Variants in PPP2R2B observed in about 807,000 individuals in gnomAD.
PPP2R2B encodes serine/threonine-protein phosphatase 2A 55 kDa regulatory subunit B beta isoform.
PPP2R2B carries 5 observed loss-of-function variants against 46.0 expected under a neutral mutation model. That is an observed-to-expected ratio of 0.11 (90% confidence interval 0.06 to 0.23). The LOEUF (loss-of-function observed/expected upper bound fraction) is 0.23. Ranked by LOEUF, PPP2R2B falls within the 10% of genes least tolerant of loss-of-function variation. The pLI, the probability that PPP2R2B is intolerant of heterozygous loss-of-function variation, is 1.00. For missense variants in PPP2R2B, 367 were observed against 575.0 expected (o/e 0.64, Z 3.70); for synonymous variants, 215 against 206.7 (o/e 1.04, Z -0.34).
chr5:146,842,439 A>AG (rs1759709738), intron 2 of PPP2R2B, among the ~76,000 whole-genome samples: 1 of 151,594 alleles, frequency 6.6e-6, no homozygotes, highest in Admixed American at 6.6e-5. Flanking sequence ...TTCAAGAAAA[A>AG]GGAAAAAAAA....
At chr5:146,880,256 A>T (rs1194190281), upstream of PPP2R2B, among the ~76,000 whole-genome samples, 1 of 149,452 alleles carries the variant, frequency 6.7e-6, no homozygotes, top group East Asian at 2.0e-4. Flanking sequence ...CTTTCAATAG[A>T]TTCTATTTTA....
chr5:146,700,913 T>A lies in PPP2R2B; in HGVS notation c.168+132A>T. 3.9e-6 allele frequency: 3 copies of A among 775,906 alleles called. No individual in the cohort carries two copies. The South Asian group carries it at 4.9e-5, about 13-fold the overall frequency. 48.1% of individuals were successfully genotyped at this position (775,906 alleles called of 1,614,324 possible). ...CTGAATGTATAACAGTTGATGTTAA[T>A]GACTTTTTTGGCAGTTTTTAGTTTT... On this transcript the variant is annotated intron_variant, in intron 3 of 9. Transcript: ENST00000394411.
chr5:146,966,662 T>C (rs1331950382), intron 1 of PPP2R2B, among the ~76,000 whole-genome samples: 2 of 152,216 alleles, frequency 1.3e-5, no homozygotes, highest in Non-Finnish European at 2.9e-5. Context: ...TGTGGGGCCA[T>C]GTGAGCCTTA....
At chr5:146,674,648 AG>A (rs1322083527) in intron 5 of PPP2R2B, among the ~76,000 whole-genome samples, 14 of 152,292 alleles carry the variant, frequency 9.2e-5, no homozygotes, top group Non-Finnish European at 1.3e-4. Flanking sequence ...AAATACACCA[AG>A]GTGGAATAAA....
intron 1 of PPP2R2B, among the ~76,000 whole-genome samples, chr5:146,907,218 T>TC (rs397700854): frequency 8.6e-5 from 13 of 151,878 alleles, no homozygotes; most frequent in Admixed American, 6.6e-4. Context: ...CATTTTTTTT[T>TC]CCATCAGCAG....
At chr5:146,717,928 T>A (rs1029078430) in intron 2 of PPP2R2B, among the ~76,000 whole-genome samples, 5 of 152,204 alleles carry the variant, frequency 3.3e-5, no homozygotes, top group Non-Finnish European at 7.3e-5. Context: ...GAGAGTGGAC[T>A]TTTCTGACAA....
chr5:146,605,038 A>T (rs322469), intron 7 of PPP2R2B, among the ~76,000 whole-genome samples: 1 of 152,204 alleles, frequency 6.6e-6, no homozygotes, highest in African/African-American at 2.4e-5. Context: ...GGCTGGGCAC[A>T]AGTCCAGGCT....
At chr5:146,821,723 T>C (rs1354727892) in intron 2 of PPP2R2B, among the ~76,000 whole-genome samples, 1 of 151,218 alleles carries the variant, frequency 6.6e-6, no homozygotes, top group East Asian at 1.9e-4. Context: ...TAAGACTCAA[T>C]AAAATGGCAA....
At chr5:146,850,135 G>T (rs895614154) in intron 2 of PPP2R2B, among the ~76,000 whole-genome samples, 1 of 152,186 alleles carries the variant, frequency 6.6e-6, no homozygotes, top group Non-Finnish European at 1.5e-5. Flanking sequence ...AGAGGAATTT[G>T]AAGAGGTCTA....
intron 1 of PPP2R2B, among the ~76,000 whole-genome samples, chr5:147,009,747 T>C (rs977353725): frequency 7.2e-5 from 11 of 152,090 alleles, no homozygotes; most frequent in Non-Finnish European, 8.8e-5. Flanking sequence ...ATATTTGGCA[T>C]ACATAGACAT....
At chr5:147,001,951 A>G (rs375963529) in intron 1 of PPP2R2B, among the ~76,000 whole-genome samples, 1 of 152,116 alleles carries the variant, frequency 6.6e-6, no homozygotes, top group African/African-American at 2.4e-5. Context: ...GGTCCTGACA[A>G]CAAGTTGGTT....
chr5:146,646,603 A>G (rs566164332), intron 6 of PPP2R2B, among the ~76,000 whole-genome samples: 1 of 152,280 alleles, frequency 6.6e-6, no homozygotes, highest in East Asian at 1.9e-4. Context: ...AAGGCCCTAG[A>G]CCTCAGAGTT....
chr5:146,933,713 G>A (rs1011170461), intron 1 of PPP2R2B, among the ~76,000 whole-genome samples: 1 of 149,670 alleles, frequency 6.7e-6, no homozygotes, highest in African/African-American at 2.5e-5. Flanking sequence ...TTAAGTTTTA[G>A]GGTACATGTG....
chr5:146,990,927 CT>C (rs2151861640), intron 1 of PPP2R2B, among the ~76,000 whole-genome samples: 1 of 152,046 alleles, frequency 6.6e-6, no homozygotes, highest in South Asian at 2.1e-4. Context: ...ATAGACATTT[CT>C]CAAAAGAAGG....
intron 3 of PPP2R2B, among the ~76,000 whole-genome samples, chr5:146,699,666 T>C (rs1177152759): frequency 6.6e-6 from 1 of 150,564 alleles, no homozygotes; most frequent in Non-Finnish European, 1.5e-5. Context: ...AATTGGTTTT[T>C]TTTTTTTTTT....
Position 147,031,191 on chromosome 5 carries a change from C to A in PPP2R2B, c.79+24474G>T, listed in dbSNP as rs529241451. Among the ~76,000 whole-genome samples the A allele has an allele frequency of 2.6e-3, 399 of 151,932 alleles. 2 individuals are homozygous for A. Among genetic ancestry groups the A allele is most frequent in the African/African-American group, 8.8e-3 (364 of 41,448 alleles). ...GGCGGAGCTTGCAGTGAGCTGAGAT[C>A]ACGCCATGGCACTCCAGCCTGGGCA... On this transcript the variant is annotated intron_variant, in intron 1 of 8. Coordinates refer to the PPP2R2B transcript ENST00000336640.
chr5:146,977,458 T>C (rs1752971133), intron 1 of PPP2R2B, among the ~76,000 whole-genome samples: 1 of 152,032 alleles, frequency 6.6e-6, no homozygotes, highest in Admixed American at 6.6e-5. Context: ...CACGTGCCAT[T>C]GTGGTTTGTT....
At chr5:147,074,926 G>A (rs1159660640) in intron 2 of PPP2R2B, among the ~76,000 whole-genome samples, 1 of 152,122 alleles carries the variant, frequency 6.6e-6, no homozygotes, top group Non-Finnish European at 1.5e-5. Context: ...CAGAATAAAT[G>A]CCACAATTAT....
chr5:146,804,345 A>G (rs980409237), intron 2 of PPP2R2B, among the ~76,000 whole-genome samples: 7 of 152,130 alleles, frequency 4.6e-5, no homozygotes, highest in Non-Finnish European at 2.9e-5. Context: ...CGATGCTTAG[A>G]GAAGACCAGT....
Sources: gnomAD v4.1 joint callset for allele counts (sites outside exome capture counted in the v4.1 genomes callset) on GRCh38, gnomAD v4.1.1 for gene constraint, MANE v1.5 for transcripts, NCBI Gene and HGNC (gene_info 2026-07-23, HGNC 2026-07-21) for gene names.